EDEM2: variants seen among roughly 807,000 people sequenced by gnomAD.
EDEM2 encodes the protein ER degradation-enhancing alpha-mannosidase-like protein 2.
In EDEM2, 39 loss-of-function variants were observed where a neutral mutation model predicts 64.8. The observed-to-expected ratio is 0.60, with a 90% confidence interval of 0.47 to 0.79. EDEM2 has a LOEUF of 0.79. Among genes scored for constraint, EDEM2 ranks in the 30% least tolerant of loss-of-function variants. The probability of loss-of-function intolerance (pLI) is 0.00; values close to 1 mark genes in which losing one functional copy is unlikely to be tolerated. For synonymous variants in EDEM2, 296 were observed against 291.5 expected (o/e 1.02, Z -0.16); for missense variants, 609 against 731.3 (o/e 0.83, Z 1.93).
At chr20:35,117,628 AC>A (rs1447141903) in intron 10 of EDEM2, among the ~76,000 whole-genome samples, 5 of 152,236 alleles carry the variant, frequency 3.3e-5, no homozygotes, top group Non-Finnish European at 7.3e-5. Flanking sequence ...TCTATATTTT[AC>A]TTATAGAATA....
At chr20:35,123,536 G>A (rs1463647728) in intron 9 of EDEM2, among the ~76,000 whole-genome samples, 1 of 149,696 alleles carries the variant, frequency 6.7e-6, no homozygotes, top group Non-Finnish European at 1.5e-5. Flanking sequence ...AGGTTGCGGT[G>A]AGCCGAGATC....
At chr20:35,120,125 G>A (rs2085351122) in intron 9 of EDEM2, among the ~76,000 whole-genome samples, 1 of 152,044 alleles carries the variant, frequency 6.6e-6, no homozygotes, top group Non-Finnish European at 1.5e-5. Flanking sequence ...GTGCCATGGT[G>A]CGATCTCCGC....
intron 6 of EDEM2, among the ~76,000 whole-genome samples, chr20:35,133,149 C>G (rs1251617557): frequency 2.1e-5 from 3 of 144,968 alleles, no homozygotes; most frequent in African/African-American, 7.7e-5. Flanking sequence ...GGAGTGATCC[C>G]ACCCAAGGGG....
intron 3 of EDEM2, among the ~76,000 whole-genome samples, chr20:35,144,506 T>C (rs977870553): frequency 1.3e-5 from 2 of 151,948 alleles, no homozygotes; most frequent in Non-Finnish European, 2.9e-5. Flanking sequence ...GCTAATTTTT[T>C]GTATTTTAAT....
Position 35,118,583 on chromosome 20 carries a change from C to T in EDEM2, c.1236+15G>A, listed in dbSNP as rs369520887. 1.2e-5 allele frequency: 19 copies of T among 1,613,740 alleles called. No homozygotes were observed. Among genetic ancestry groups the T allele is most frequent in the Non-Finnish European group, 1.5e-5 (18 of 1,179,810 alleles). On this transcript the variant is annotated intron_variant, in intron 10 of 10. Transcript: ENST00000374492. ...GGAGACTCTTCCCAGTTCTTGGGGCCATGCAAACACTTACTGTTGCAAATC... is the reference window on the plus strand; with the variant it reads ...GGAGACTCTTCCCAGTTCTTGGGGCTATGCAAACACTTACTGTTGCAAATC...
chr20:35,138,813 T>C (rs1403041931), intron 4 of EDEM2, among the ~76,000 whole-genome samples: 1 of 151,876 alleles, frequency 6.6e-6, no homozygotes, highest in Non-Finnish European at 1.5e-5. Context: ...CTCGATCTCC[T>C]GACCTCATGA....
In EDEM2 at chr20:35,115,939, A is replaced by G. The variant is rs762393255; in HGVS notation, c.1237-6T>C. 1.2e-6 allele frequency: 2 copies of G among 1,611,350 alleles called. No individual in the cohort carries two copies. Among genetic ancestry groups the G allele is most frequent in the East Asian group, 2.2e-5 (1 of 44,858 alleles). On this transcript the variant is annotated splice_region_variant and splice_polypyrimidine_tract_variant and intron_variant, in intron 10 of 10. Transcript: ENST00000374492. ...TGGTCTCGCAGATCTTTGATCTGAC[A>G]TGTGGGAGAAGGAAGCAAGCTGGAA...
Position 35,134,912 on chromosome 20 carries a change from C to A in EDEM2, c.528G>T (p.Val176=). The A allele has an allele frequency of 6.2e-7, 1 of 1,614,148 alleles. No homozygotes were observed. The highest frequency in any genetic ancestry group is 1.7e-4 in the Middle Eastern group (1 of 6,060). Reference sequence around the variant, plus strand: ...CTGGGTTCACGCCATGAAGTAAGTTCACTGTTCCATATGGCATGCCAGTGG... The same window carrying A: ...CTGGGTTCACGCCATGAAGTAAGTTAACTGTTCCATATGGCATGCCAGTGG... ...QTPTGMPYGT[V]NLLHGVNPGE... is the part of the protein sequence containing the mutation. The change falls in exon 6 of 11, where the codon GTG becomes GTT. Residue 176 remains valine, a synonymous_variant. Coordinates refer to ENST00000374492, the MANE Select transcript of EDEM2 (RefSeq NM_018217.3).
rs751222035 is a variant in EDEM2 at position 35,147,248 on chromosome 20, C to G, written c.11G>C (p.Arg4Pro). MPFRLLIPLGLLCA... is the reference protein window; with the variant it reads MPFPLLIPLGLLCA... ...CAGGAGGCCGAGCGGGATGAGCAGC[C>G]GGAAAGGCATAGAGCTCGTGTCCTC... Residue 4 changes from arginine (R) to proline (P), a missense_variant, in exon 1 of 11, where the codon CGG (arginine) becomes CCG (proline). Arg to Pro is a moderately radical substitution (Grantham distance 103). Coordinates refer to ENST00000374492, the MANE Select transcript of EDEM2 (RefSeq NM_018217.3). The G allele has an allele frequency of 1.3e-6, 2 of 1,587,562 alleles. No homozygotes were observed. Among genetic ancestry groups the G allele is most frequent in the South Asian group, 1.1e-5 (1 of 87,998 alleles).
rs761031474 is a variant in EDEM2 at position 35,134,797 on chromosome 20, C to T, written c.643G>A (p.Glu215Lys). The change falls in exon 6 of 11, where the codon GAA becomes AAA. Residue 215 changes from glutamate (E) to lysine (K), a missense_variant. Physicochemically the swap from Glu to Lys is moderately conservative, Grantham distance 56. Transcript: ENST00000374492. ...LSSLTGDPVF[E>K]DVARVALMRL... ...ATCAAAGCCACTCTGGCCACATCTT[C>T]GAACACCGGGTCACCAGTGAGGCTG... 27 of 1,613,922 alleles carry T rather than the reference C, an allele frequency of 1.7e-5. No homozygotes were observed. Among genetic ancestry groups the T allele is most frequent in the East Asian group, 2.2e-5 (1 of 44,890 alleles).
intron 7 of EDEM2, among the ~76,000 whole-genome samples, chr20:35,126,758 C>T (rs2085438600): frequency 6.6e-6 from 1 of 151,968 alleles, no homozygotes; most frequent in African/African-American, 2.4e-5. Context: ...ACTAAAAATA[C>T]AAAATTAGCC....
chr20:35,125,359 C>T (rs1404814831), intron 8 of EDEM2, among the ~76,000 whole-genome samples: 1 of 151,684 alleles, frequency 6.6e-6, no homozygotes, highest in African/African-American at 2.4e-5. Context: ...CCACCCTAGG[C>T]TAATTTTTTA....
intron 9 of EDEM2, among the ~76,000 whole-genome samples, chr20:35,120,834 T>G (rs2065111): frequency 6.6e-6 from 1 of 151,990 alleles, no homozygotes. Context: ...CTGACCTCAG[T>G]TGATCCACCG....
intron 7 of EDEM2, among the ~76,000 whole-genome samples, chr20:35,128,006 G>A (rs567160423): frequency 6.6e-6 from 1 of 152,312 alleles, no homozygotes; most frequent in East Asian, 1.9e-4. Context: ...ATACAATTAT[G>A]TATAGTACGT....
At chr20:35,141,651 GT>G (rs1286000176) in intron 4 of EDEM2, among the ~76,000 whole-genome samples, 1 of 152,204 alleles carries the variant, frequency 6.6e-6, no homozygotes, top group Non-Finnish European at 1.5e-5. Context: ...TGGTCTAGAG[GT>G]TCGATGCAAA....
rs779083418 is a variant in EDEM2, at chr20:35,115,855, G to A, written c.1315C>T (p.Leu439Phe). Residue 439 changes from leucine (L) to phenylalanine (F), a missense_variant, in exon 11 of 11, where the codon CTC becomes TTC. Coordinates refer to ENST00000374492, the MANE Select transcript of EDEM2 (RefSeq NM_018217.3). ...ATGAAGTTGGTTGGGTCAAACAGGAGGTAGAGGTATTTCACAGTCTCGGCC... is the reference window on the plus strand; with the variant it reads ...ATGAAGTTGGTTGGGTCAAACAGGAAGTAGAGGTATTTCACAGTCTCGGCC... ...FLAETVKYLY[L>F]LFDPTNFIHN... 1 of 1,613,820 alleles carries A rather than the reference G, an allele frequency of 6.2e-7. No homozygotes were observed. The highest frequency in any genetic ancestry group is 8.5e-7 in the Non-Finnish European group (1 of 1,180,032).
At chr20:35,126,132 T>C in intron 8 of EDEM2, 119 bp downstream of exon 8, 1 of 1,330,748 alleles carries the variant, frequency 7.5e-7, no homozygotes, top group Non-Finnish European at 1.0e-6. Flanking sequence ...ATCCTCAACC[T>C]GTCCCTCCAA....
chr20:35,139,666 A>G (rs1040514599), intron 4 of EDEM2, among the ~76,000 whole-genome samples: 1 of 151,352 alleles, frequency 6.6e-6, no homozygotes, highest in Non-Finnish European at 1.5e-5. Flanking sequence ...AAAAAAAAAA[A>G]GAAAAGAAAG....
chr20:35,117,005 C>A (rs1352794713), intron 10 of EDEM2: 1 of 152,136 alleles, frequency 6.6e-6, no homozygotes, highest in Non-Finnish European at 1.5e-5. Context: ...GTTGGTCAGG[C>A]TGGTCTTGAA....
Sources: allele counts gnomAD v4.1 joint callset (sites outside exome capture counted in the v4.1 genomes callset), GRCh38; gene constraint gnomAD v4.1.1; transcripts MANE v1.5; gene names NCBI Gene and HGNC (gene_info 2026-07-23, HGNC 2026-07-21).